Variants in GTPBP1 observed in about 807,000 individuals in gnomAD.
GTPBP1 encodes GTP-binding protein 1.
A neutral mutation model predicts 62.0 loss-of-function variants in GTPBP1; 23 were observed. The ratio of observed to expected loss-of-function variants is 0.37; its 90% confidence interval spans 0.27 to 0.53. The LOEUF is 0.53. GTPBP1 is among the 20% of genes least tolerant of loss of function. The probability of loss-of-function intolerance (pLI) is 0.89; values close to 1 mark genes in which losing one functional copy is unlikely to be tolerated. For missense variants in GTPBP1, 640 were observed against 917.3 expected, an observed-to-expected ratio of 0.70 and a Z score of 3.90; for synonymous variants, 344 against 364.4, an observed-to-expected ratio of 0.94 and a Z score of 0.64.
At chr22:38,728,318 A>T (rs1422698519) in intron 10 of GTPBP1, 157 bp downstream of exon 10, 2 of 616,168 alleles carry the variant, frequency 3.2e-6, no homozygotes, top group Non-Finnish European at 5.8e-6. Context: ...CCTTAGAGGT[A>T]TCCTGTGGCC....
intron 5 of GTPBP1, chr22:38,722,655 A>G (rs2092706517): frequency 4.0e-6 from 6 of 1,515,134 alleles, no homozygotes; most frequent in East Asian, 2.3e-5. Context: ...CTTGCCTTCT[A>G]CAGATAATCA....
At chr22:38,718,976 G>A (rs1232957950) in intron 4 of GTPBP1, among the ~76,000 whole-genome samples, 2 of 152,086 alleles carry the variant, frequency 1.3e-5, no homozygotes, top group Non-Finnish European at 2.9e-5. Flanking sequence ...TCTATATGGT[G>A]GGTACATATG....
At chr22:38,742,294 C>T (rs373080183), downstream of GTPBP1, 104 of 1,592,074 alleles carry the variant, frequency 6.5e-5, no homozygotes, top group Non-Finnish European at 8.7e-5. Flanking sequence ...GGTATTCCAC[C>T]TCCTACCTGG....
chr22:38,711,002 A>G (rs951492323), intron 2 of GTPBP1, among the ~76,000 whole-genome samples: 29 of 152,292 alleles, frequency 1.9e-4, no homozygotes, highest in African/African-American at 6.3e-4. Context: ...GTTGGATGCT[A>G]TTAGATTCAT....
At chr22:38,741,581 G>A (rs751557207), downstream of GTPBP1, 17 of 1,613,352 alleles carry the variant, frequency 1.1e-5, no homozygotes, top group Admixed American at 1.3e-4. Flanking sequence ...CCTGTGAGAC[G>A]GGAGTGAGAG....
At position 38,731,485 on chromosome 22, in the gene GTPBP1, C is replaced by G. The variant is rs1309435189; in HGVS notation, c.*781C>G. The G allele has an allele frequency of 1.3e-5, 2 of 152,846 alleles. No homozygotes were observed. Among genetic ancestry groups the G allele is most frequent in the African/African-American group, 4.8e-5 (2 of 41,460 alleles). The allele number at this position is 152,846 out of a possible 1,614,324, so 9.5% of individuals were successfully genotyped here. A position where few individuals can be genotyped will look rare whatever the true frequency, so the allele number is the denominator to read the frequency against. ...CCCTGACCCTGACCCTTGCCACCAACCCAAAGACAGCTGGTGGGTTTCCCC... is the reference window on the plus strand; with the variant it reads ...CCCTGACCCTGACCCTTGCCACCAAGCCAAAGACAGCTGGTGGGTTTCCCC... On this transcript the variant is annotated 3_prime_UTR_variant, in exon 12 of 12. Coordinates refer to ENST00000216044, the MANE Select transcript of GTPBP1 (RefSeq NM_004286.5).
At chr22:38,742,667 G>T (rs988039027), downstream of GTPBP1, 2 of 1,400,192 alleles carry the variant, frequency 1.4e-6, no homozygotes, top group Non-Finnish European at 1.9e-6. Context: ...TTCCAGAGAC[G>T]TTCCAGCATA....
chr22:38,721,700 CT>C, intron 4 of GTPBP1, 41 bp from the exon 5 acceptor site: 1 of 1,581,676 alleles, frequency 6.3e-7, no homozygotes, highest in Non-Finnish European at 8.7e-7. Context: ...GCAGCAATCT[CT>C]TTCTCTCTCG....
At chr22:38,738,310 G>A, downstream of GTPBP1, 1 of 1,521,012 alleles carries the variant, frequency 6.6e-7, no homozygotes. This position sits in a 1 kb window ranked among gnomAD's most constrained non-coding sequence, Gnocchi z 6.6. Flanking sequence ...GGAGCAGGGA[G>A]AACACCCCTC....
chr22:38,708,307 T>G (rs1185753101), intron 1 of GTPBP1, among the ~76,000 whole-genome samples: 1 of 152,172 alleles, frequency 6.6e-6, no homozygotes, highest in Non-Finnish European at 1.5e-5. Context: ...GTGGTAATGG[T>G]GATGGTGCTT....
At chr22:38,735,980 C>T (rs2092801219), downstream of GTPBP1, 1 of 324,380 alleles carries the variant, frequency 3.1e-6, no homozygotes. Context: ...TCCTACCTCT[C>T]CCAACTTCCC....
intron 4 of GTPBP1, among the ~76,000 whole-genome samples, chr22:38,718,715 G>A (rs2092684007): frequency 6.6e-6 from 1 of 152,198 alleles, no homozygotes; most frequent in Non-Finnish European, 1.5e-5. Flanking sequence ...ACACATCATG[G>A]CAGCTTTTCT....
downstream of GTPBP1, chr22:38,742,693 G>T (rs1310557885): frequency 4.2e-6 from 5 of 1,182,750 alleles, no homozygotes; most frequent in Admixed American, 1.5e-4. Context: ...ATGCAGGGCC[G>T]GCTGGAGCTC....
In GTPBP1 at chr22:38,730,969, T is replaced by C; in HGVS notation, c.*265T>C. The C allele has an allele frequency of 2.5e-6, 1 of 401,980 alleles. No individual in the cohort carries two copies. Among genetic ancestry groups the C allele is most frequent in the East Asian group, 5.5e-5 (1 of 18,134 alleles). 24.9% of individuals were successfully genotyped at this position (401,980 alleles called of 1,614,324 possible). A position where few individuals can be genotyped will look rare whatever the true frequency, so the allele number is the denominator to read the frequency against. Reference sequence around the variant, plus strand: ...CACATTTTTTGTACATCTGGGCCCTTAGTTTTTATTCTGTTTATTATATGT... The same window carrying C: ...CACATTTTTTGTACATCTGGGCCCTCAGTTTTTATTCTGTTTATTATATGT... On this transcript the variant is annotated 3_prime_UTR_variant, in exon 12 of 12. Coordinates refer to ENST00000216044, the MANE Select transcript of GTPBP1 (RefSeq NM_004286.5). The surrounding 1 kb of genome is among the most constrained non-coding windows in gnomAD (Gnocchi z 5.6).
intron 10 of GTPBP1, 187 bp from the exon 11 acceptor site, chr22:38,729,275 G>A (rs1030859687): frequency 2.3e-5 from 12 of 527,318 alleles, no homozygotes; most frequent in Non-Finnish European, 4.0e-5. Flanking sequence ...GCCACTGAGT[G>A]GGGATGAGAA....
chr22:38,719,495 A>T (rs2092688139), intron 4 of GTPBP1, among the ~76,000 whole-genome samples: 1 of 151,950 alleles, frequency 6.6e-6, no homozygotes, highest in Non-Finnish European at 1.5e-5. Context: ...TTTAGAGACG[A>T]GATCTTGCTA....
chr22:38,710,884 A>G (rs2092634900), intron 2 of GTPBP1, among the ~76,000 whole-genome samples: 1 of 151,944 alleles, frequency 6.6e-6, no homozygotes, highest in South Asian at 2.1e-4. Flanking sequence ...CTCACACCCC[A>G]CCCATGGCAA....
intron 2 of GTPBP1, among the ~76,000 whole-genome samples, chr22:38,710,717 C>CACT (rs1422619128): frequency 6.6e-6 from 1 of 152,120 alleles, no homozygotes; most frequent in Non-Finnish European, 1.5e-5. Context: ...TAAGATGAAC[C>CACT]ACTCAAAGAT....
Position 38,725,455 on chromosome 22 carries a change from T to C in GTPBP1, c.1074-551T>C, listed in dbSNP as rs2092722104. The C allele has an allele frequency of 1.9e-5, 3 of 153,902 alleles. No homozygotes were observed. In the South Asian group the frequency reaches 6.0e-4, roughly 31 times the overall value. The allele number at this position is 153,902 out of a possible 1,614,324, so 9.5% of individuals were successfully genotyped here. ...AGCTCTGAAGGGTGAGAGGGCCTGG[T>C]AGTTGCATAAAAGGGAAAGAATTCA... On this transcript the variant is annotated intron_variant, in intron 6 of 11. Coordinates refer to ENST00000216044, the MANE Select transcript of GTPBP1 (RefSeq NM_004286.5).
Sources: allele counts gnomAD v4.1 joint callset (sites outside exome capture counted in the v4.1 genomes callset), GRCh38; gene constraint gnomAD v4.1.1; non-coding constraint Gnocchi (gnomAD v3.1); transcripts MANE v1.5; gene names NCBI Gene and HGNC (gene_info 2026-07-23, HGNC 2026-07-21).